DCDC2: variants seen among roughly 807,000 people sequenced by gnomAD.
DCDC2 encodes doublecortin domain-containing protein 2.
DCDC2 carries 40 observed loss-of-function variants against 50.2 expected under a neutral mutation model. The ratio of observed to expected loss-of-function variants is 0.80; its 90% CI spans 0.62 to 1.04. The LOEUF (loss-of-function observed/expected upper bound fraction) is 1.04, where lower values mean the gene tolerates loss of function less well. Among genes scored for constraint, DCDC2 ranks in the 50% least tolerant of loss-of-function variants. The pLI is 0.00. For synonymous variants in DCDC2, 234 were observed against 210.6 expected (o/e 1.11, Z -0.96); for missense variants, 570 against 581.9 (o/e 0.98, Z 0.21).
chr6:24,244,108 T>G (rs1581607807), intron 7 of DCDC2, among the ~76,000 whole-genome samples: 1 of 152,210 alleles, frequency 6.6e-6, no homozygotes, highest in Non-Finnish European at 1.5e-5. Flanking sequence ...GCAGTTTCTG[T>G]GTTAGAAGCA....
chr6:24,192,827 G>T (rs114661169), intron 8 of DCDC2, among the ~76,000 whole-genome samples: 3,998 of 152,010 alleles, frequency 0.026, 87 homozygotes, highest in African/African-American at 0.058. Context: ...AGTAGGGAAA[G>T]GAAGAGAAGA....
At chr6:24,216,516 G>A (rs1486798778) in intron 7 of DCDC2, among the ~76,000 whole-genome samples, 1 of 152,176 alleles carries the variant, frequency 6.6e-6, no homozygotes, top group African/African-American at 2.4e-5. Context: ...AGGTGAATTA[G>A]TGAAGACAAG....
intron 9 of DCDC2, among the ~76,000 whole-genome samples, chr6:24,177,250 G>C (rs1252945950): frequency 6.6e-6 from 1 of 152,218 alleles, no homozygotes; most frequent in East Asian, 1.9e-4. Context: ...CTTGAGAAAA[G>C]ATAAGAGACA....
chr6:24,231,184 G>A (rs1762330437), intron 7 of DCDC2, among the ~76,000 whole-genome samples: 1 of 152,180 alleles, frequency 6.6e-6, no homozygotes, highest in African/African-American at 2.4e-5. Context: ...CATCGCTGTT[G>A]TCAGACCTTT....
At chr6:24,193,430 G>A (rs567407120) in intron 8 of DCDC2, among the ~76,000 whole-genome samples, 149 of 152,256 alleles carry the variant, frequency 9.8e-4, no homozygotes, top group African/African-American at 3.5e-3. Flanking sequence ...GCTGACTGGA[G>A]GGATTGAGAA....
intron 7 of DCDC2, among the ~76,000 whole-genome samples, chr6:24,256,498 G>A (rs1340698): frequency 0.93 from 141,885 of 152,188 alleles, 66,616 homozygotes; most frequent in East Asian, 1. Context: ...CCCCTGTTGC[G>A]TGTGTGTGTG....
At chr6:24,274,052 C>T (rs544687706) in intron 7 of DCDC2, among the ~76,000 whole-genome samples, 1 of 152,296 alleles carries the variant, frequency 6.6e-6, no homozygotes, top group African/African-American at 2.4e-5. Flanking sequence ...GAAAGAGAGC[C>T]ACATCCATCA....
chr6:24,331,358 T>C (rs375388010), intron 2 of DCDC2, among the ~76,000 whole-genome samples: 117 of 151,940 alleles, frequency 7.7e-4, no homozygotes, highest in African/African-American at 2.7e-3. Flanking sequence ...TAGAGTTCAG[T>C]AGCACAATCA....
chr6:24,223,704 G>T (rs1432025927), intron 7 of DCDC2, among the ~76,000 whole-genome samples: 1 of 152,134 alleles, frequency 6.6e-6, no homozygotes, highest in African/African-American at 2.4e-5. Context: ...GCCATAAATG[G>T]CATTGGATAA....
intron 8 of DCDC2, among the ~76,000 whole-genome samples, chr6:24,188,444 C>T (rs1163173064): frequency 2.5e-4 from 38 of 152,112 alleles, no homozygotes; most frequent in Admixed American, 2.5e-3. Context: ...GACAGTTCTA[C>T]AAGATTTATT....
At chr6:24,322,805 G>C (rs1171699199) in intron 2 of DCDC2, among the ~76,000 whole-genome samples, 2 of 152,136 alleles carry the variant, frequency 1.3e-5, no homozygotes, top group African/African-American at 2.4e-5. Flanking sequence ...AAATGTATTT[G>C]ATTGATGTCT....
At chr6:24,248,270 A>C (rs574328264) in intron 7 of DCDC2, among the ~76,000 whole-genome samples, 2 of 152,250 alleles carry the variant, frequency 1.3e-5, no homozygotes, top group African/African-American at 4.8e-5. Flanking sequence ...AGGACACCAT[A>C]CGGTGCAGTG....
rs772785805 is a variant in DCDC2 at position 24,353,592 on chromosome 6, G to A, written c.325C>T (p.Pro109Ser). 2 of 1,590,514 alleles carry A rather than the reference G, an allele frequency of 1.3e-6. No individual in the cohort carries two copies. The highest frequency in any genetic ancestry group is 1.7e-6 in the Non-Finnish European group (2 of 1,168,358). The change falls in exon 2 of 10, where the codon CCA becomes TCA. Residue 109 changes from proline (P) to serine (S), a missense_variant. Pro to Ser is a moderately conservative substitution (Grantham distance 74). Transcript: ENST00000378454. ...YLDIGEIKKR[P>S]MEVVNTEVKP... is the part of the protein sequence containing the mutation. ...ACCTCTGTATTAACAACTTCCATTG[G>A]TCTTTTCTTGATTTCTCCTATGTCC...
At chr6:24,205,595 T>C (rs1004605162) in intron 7 of DCDC2, among the ~76,000 whole-genome samples, 1 of 152,126 alleles carries the variant, frequency 6.6e-6, no homozygotes, top group Non-Finnish European at 1.5e-5. Flanking sequence ...AGCCAAATCA[T>C]AGAGTTGACT....
chr6:24,358,979 CATTATAT>C (rs1561788709), upstream of DCDC2, among the ~76,000 whole-genome samples: 23 of 25,346 alleles, frequency 9.1e-4, no homozygotes, highest in Admixed American at 4.9e-3. Context: ...ATATTTTATA[CATTATAT>C]ATTATATATT....
At chr6:24,289,298 G>A (rs562190197) in intron 5 of DCDC2, among the ~76,000 whole-genome samples, 1 of 152,282 alleles carries the variant, frequency 6.6e-6, no homozygotes, top group South Asian at 2.1e-4. Flanking sequence ...TGTCTTCTAT[G>A]TCTACCTCTG....
chr6:24,334,884 G>A (rs1171796429), intron 2 of DCDC2, among the ~76,000 whole-genome samples: 1 of 152,176 alleles, frequency 6.6e-6, no homozygotes, highest in East Asian at 1.9e-4. Flanking sequence ...GGATCCTGGG[G>A]TGGCAAAAGG....
chr6:24,319,641 G>C lies in DCDC2; in HGVS notation c.349-17597C>G, dbSNP rs1581650470. Reference sequence around the variant, plus strand: ...AGTAAAGTGCCAAAGACTATCTACAGTATGCTACCCTACATATAGGTAAGA... The same window carrying C: ...AGTAAAGTGCCAAAGACTATCTACACTATGCTACCCTACATATAGGTAAGA... On this transcript the variant is annotated intron_variant, in intron 2 of 9. Transcript: ENST00000378454. Among the ~76,000 whole-genome samples the C allele has an allele frequency of 2.6e-5, 4 of 152,148 alleles. No homozygotes were observed. In the South Asian group the frequency reaches 8.3e-4, roughly 31 times the overall value.
At chr6:24,191,132 G>T (rs965964979) in intron 8 of DCDC2, among the ~76,000 whole-genome samples, 1 of 152,300 alleles carries the variant, frequency 6.6e-6, no homozygotes. Context: ...TAATTGTTTA[G>T]TAAATGCATT....
Sources: gnomAD v4.1 joint callset for allele counts (sites outside exome capture counted in the v4.1 genomes callset) on GRCh38, gnomAD v4.1.1 for gene constraint, MANE v1.5 for transcripts, NCBI Gene and HGNC (gene_info 2026-07-23, HGNC 2026-07-21) for gene names.